The following ADAR variants were observed in gnomAD, a reference collection of about 807,000 sequenced individuals.
ADAR encodes the protein double-stranded RNA-specific adenosine deaminase.
ADAR carries 41 observed loss-of-function variants against 113.2 expected under a neutral mutation model. The ratio of observed to expected loss-of-function variants is 0.36; its 90% CI spans 0.28 to 0.47. The LOEUF (loss-of-function observed/expected upper bound fraction) is 0.47, where lower values mean the gene tolerates loss of function less well. ADAR is among the 20% of genes least tolerant of loss of function. ADAR has a pLI of 1.00. For missense variants in ADAR, 1,242 were observed against 1,540.9 expected, an observed-to-expected ratio of 0.81 and a Z score of 3.25; for synonymous variants, 605 against 572.6, an observed-to-expected ratio of 1.06 and a Z score of -0.81.
At chr1:154,620,307 T>G (rs974152917) in intron 1 of ADAR, among the ~76,000 whole-genome samples, 3 of 151,962 alleles carry the variant, frequency 2.0e-5, no homozygotes, top group African/African-American at 7.3e-5. Context: ...CTTGGGAGGC[T>G]AAGGCAGAGA....
chr1:154,589,124 CAG>C (rs1180353252), intron 9 of ADAR, among the ~76,000 whole-genome samples: 1 of 152,206 alleles, frequency 6.6e-6, no homozygotes, highest in Non-Finnish European at 1.5e-5. Context: ...CATGAAGCAG[CAG>C]AGTTAGCAGA....
chr1:154,601,287 C>T lies in ADAR; in HGVS notation c.1355G>A (p.Gly452Asp). 6.2e-7 allele frequency: 1 copy of T among 1,614,228 alleles called. No homozygotes were observed. Residue 452 changes from glycine (G) to aspartate (D), a missense_variant, in exon 2 of 15, where the codon GGC becomes GAC. Gly to Asp is a moderately conservative substitution (Grantham distance 94). Coordinates refer to ENST00000368474, the MANE Select transcript of ADAR (RefSeq NM_001111.5). This position sits in a 1 kb window ranked among gnomAD's most constrained non-coding sequence, Gnocchi z 4.7. ...TGGGATGTCATCTGTGGCCCACTGGCCATTTTCAAAGTCAACATACCCTGC... is the reference window on the plus strand; with the variant it reads ...TGGGATGTCATCTGTGGCCCACTGGTCATTTTCAAAGTCAACATACCCTGC... ...SKAGYVDFEN[G>D]QWATDDIPDD...
rs1446542801 is a variant in ADAR at position 154,584,601 on chromosome 1, A to T, written c.*205T>A. On this transcript the variant is annotated 3_prime_UTR_variant, in exon 15 of 15. Transcript: ENST00000368474. ...TCTGCCTCTTCACTTGGGGGAAAAA[A>T]GGGGGGCCTGGCCAGACCTTGCCTA... 1 of 576,002 alleles carries T rather than the reference A, an allele frequency of 1.7e-6. No homozygotes were observed. The highest frequency in any genetic ancestry group is 2.3e-5 in the South Asian group (1 of 43,870). 35.7% of individuals were successfully genotyped at this position (576,002 alleles called of 1,614,324 possible).
chr1:154,590,159 A>G (rs1571067079), intron 7 of ADAR, 25 bp downstream of exon 7: 8 of 887,536 alleles, frequency 9.0e-6, no homozygotes, highest in South Asian at 1.3e-5. Context: ...GCCCCAAAAA[A>G]GGCACCAAAA....
At chr1:154,613,798 G>A (rs566403356) in intron 1 of ADAR, among the ~76,000 whole-genome samples, 1 of 151,840 alleles carries the variant, frequency 6.6e-6, no homozygotes, top group South Asian at 2.1e-4. Flanking sequence ...TAGCTACTAG[G>A]GAGGCTGAGG....
rs779950072 is a variant in ADAR, at chr1:154,585,038, C to T, written c.3449G>A (p.Arg1150Gln). Residue 1150 changes from arginine to glutamine, a missense_variant, in exon 15 of 15, where the codon CGG becomes CAG. Physicochemically the swap from Arg to Gln is conservative, Grantham distance 43. Coordinates refer to ENST00000368474, the MANE Select transcript of ADAR (RefSeq NM_001111.5). ...DGTRGTVDGPRNELSRVSKKN... is the reference protein window; with the variant it reads ...DGTRGTVDGPQNELSRVSKKN... ...TTTGGAGACCCGGGACAATTCATTC[C>T]GTGGCCTAGAGAAACAAAAGCACTC... The T allele has an allele frequency of 1.1e-5, 18 of 1,613,836 alleles. No homozygotes were observed. The highest frequency in any genetic ancestry group is 1.5e-5 in the Non-Finnish European group (18 of 1,179,990).
At chr1:154,591,002 G>T (rs548239764) in intron 6 of ADAR, among the ~76,000 whole-genome samples, 4 of 151,954 alleles carry the variant, frequency 2.6e-5, no homozygotes, top group Non-Finnish European at 4.4e-5. Context: ...GTAATACTAG[G>T]TATGAAAAAA....
At chr1:154,600,890 G>C in intron 2 of ADAR, 151 bp downstream of exon 2, 1 of 1,088,288 alleles carries the variant, frequency 9.2e-7, no homozygotes, top group South Asian at 1.3e-5. Context: ...TGGAGAAAGG[G>C]CCAATCAAGG....
intron 9 of ADAR, 78 bp downstream of exon 9, chr1:154,589,291 C>G: frequency 8.9e-7 from 1 of 1,127,410 alleles, no homozygotes; most frequent in East Asian, 2.4e-5. Context: ...ATTCAGAGGC[C>G]GTGTCAGAGC....
At chr1:154,626,666 C>T (rs189308610) in intron 1 of ADAR, among the ~76,000 whole-genome samples, 1 of 152,252 alleles carries the variant, frequency 6.6e-6, no homozygotes, top group Admixed American at 6.5e-5. Context: ...CTAGACACTT[C>T]GAATTCTGAC....
At chr1:154,596,132 C>T (rs553972490) in intron 6 of ADAR, among the ~76,000 whole-genome samples, 1 of 152,178 alleles carries the variant, frequency 6.6e-6, no homozygotes, top group Non-Finnish European at 1.5e-5. Context: ...CTTCTCAGAC[C>T]GCATCCCAGT....
chr1:154,588,488 T>A, intron 10 of ADAR, 63 bp downstream of exon 10: 1 of 1,605,352 alleles, frequency 6.2e-7, no homozygotes, highest in East Asian at 2.2e-5. Flanking sequence ...AGGAGAGCAT[T>A]TGGATACCCA....
intron 1 of ADAR, among the ~76,000 whole-genome samples, chr1:154,606,975 GTATA>G (rs1698232694): frequency 6.7e-6 from 1 of 149,528 alleles, no homozygotes; most frequent in Admixed American, 6.7e-5. Flanking sequence ...CAAAATTGAG[GTATA>G]TAATTTAGAT....
At chr1:154,620,151 G>C (rs1698749653) in intron 1 of ADAR, among the ~76,000 whole-genome samples, 1 of 152,224 alleles carries the variant, frequency 6.6e-6, no homozygotes. Context: ...GCTCATGCCT[G>C]TAATCCCAGC....
intron 12 of ADAR, 62 bp downstream of exon 12, chr1:154,586,119 C>T (rs1696743022): frequency 2.5e-6 from 4 of 1,592,752 alleles, no homozygotes; most frequent in Non-Finnish European, 3.4e-6. Context: ...ATAAAGCATG[C>T]AGTTTGGGAT....
Position 154,598,390 on chromosome 1 carries a change from G to A in ADAR, c.1785+12C>T, listed in dbSNP as rs930199564. ...GGGAACTGATCCTCCCAGATGGCAG[G>A]AGGACACCTACCTTCTCTGATTCTT... is the stretch of plus-strand genomic sequence containing the variant. On this transcript the variant is annotated intron_variant, in intron 3 of 14. Transcript: ENST00000368474. The A allele has an allele frequency of 5.6e-6, 9 of 1,613,674 alleles. No individual in the cohort carries two copies. Among genetic ancestry groups the A allele is most frequent in the Non-Finnish European group, 7.6e-6 (9 of 1,179,720 alleles).
At chr1:154,594,201 AG>A (rs1697346601) in intron 6 of ADAR, among the ~76,000 whole-genome samples, 1 of 152,172 alleles carries the variant, frequency 6.6e-6, no homozygotes, top group Admixed American at 6.6e-5. Flanking sequence ...TCTATTAAGG[AG>A]AGACAAATTT....
intron 1 of ADAR, among the ~76,000 whole-genome samples, chr1:154,627,129 A>C (rs1264964425): frequency 6.6e-6 from 1 of 152,240 alleles, no homozygotes; most frequent in Non-Finnish European, 1.5e-5. Context: ...ATCCAATGAC[A>C]GGTATCCCTT....
chr1:154,614,605 C>T (rs1175822948), intron 1 of ADAR, among the ~76,000 whole-genome samples: 1 of 152,204 alleles, frequency 6.6e-6, no homozygotes, highest in East Asian at 1.9e-4. Context: ...AGCCAATTTG[C>T]CGAAAGTCAG....
Sources: gnomAD v4.1 joint callset for allele counts (sites outside exome capture counted in the v4.1 genomes callset) on GRCh38, gnomAD v4.1.1 for gene constraint, Gnocchi (gnomAD v3.1) non-coding constraint, MANE v1.5 for transcripts, NCBI Gene and HGNC (gene_info 2026-07-23, HGNC 2026-07-21) for gene names.